Variants in PLBD1 observed in about 807,000 individuals in gnomAD.
The protein encoded by PLBD1 is lysosomal leucine aminopeptidase.
A neutral mutation model predicts 63.0 loss-of-function variants in PLBD1; 60 were observed. The ratio of observed to expected loss-of-function variants is 0.95; its 90% confidence interval spans 0.77 to 1.18. The LOEUF (loss-of-function observed/expected upper bound fraction) is 1.18, where lower values mean the gene tolerates loss of function less well. Ranked by LOEUF, PLBD1 falls within the 50% of genes most tolerant of loss-of-function variation. The pLI, the probability that PLBD1 is intolerant of heterozygous loss-of-function variation, is 0.00. For synonymous variants in PLBD1, 262 were observed against 248.0 expected, an observed-to-expected ratio of 1.06 and a Z score of -0.53; for missense variants, 598 against 677.9, an observed-to-expected ratio of 0.88 and a Z score of 1.31.
chr12:14,559,862 A>AT (rs567443998), intron 1 of PLBD1, among the ~76,000 whole-genome samples: 1,608 of 145,060 alleles, frequency 0.011, 11 homozygotes, highest in Middle Eastern at 0.015. Flanking sequence ...TATTTATTTA[A>AT]TTTTTTTTTT....
intron 3 of PLBD1, among the ~76,000 whole-genome samples, chr12:14,541,300 CG>C (rs1945569384): frequency 6.6e-6 from 1 of 152,060 alleles, no homozygotes; most frequent in South Asian, 2.1e-4. Context: ...AGTTAAACAA[CG>C]GGACAAAAAT....
In PLBD1 at chr12:14,558,126, G is replaced by A. The variant is rs146942548; in HGVS notation, c.116-4714C>T. Among the ~76,000 whole-genome samples the A allele has an allele frequency of 2.2e-3, 339 of 151,118 alleles. 3 individuals are homozygous for A. Among genetic ancestry groups the A allele is most frequent in the African/African-American group, 7.8e-3 (321 of 41,116 alleles). On this transcript the variant is annotated intron_variant, in intron 1 of 10. Coordinates refer to ENST00000240617, the MANE Select transcript of PLBD1 (RefSeq NM_024829.6). Reference sequence around the variant, plus strand: ...CTTAATACTAGAGCATCATGGCACCGTGCTCCCGGGGCTCGGTGATAGGCT... The same window carrying A: ...CTTAATACTAGAGCATCATGGCACCATGCTCCCGGGGCTCGGTGATAGGCT...
intron 1 of PLBD1, among the ~76,000 whole-genome samples, chr12:14,565,122 G>T (rs1945770505): frequency 6.6e-6 from 1 of 152,130 alleles, no homozygotes; most frequent in Admixed American, 6.6e-5. Context: ...TCAACTTCTG[G>T]AATAATAAAA....
intron 2 of PLBD1, among the ~76,000 whole-genome samples, chr12:14,551,489 A>G (rs1459774163): frequency 6.6e-6 from 1 of 152,226 alleles, no homozygotes; most frequent in Non-Finnish European, 1.5e-5. Flanking sequence ...TGCTTTATCT[A>G]AAAAATGAAG....
chr12:14,537,168 T>C (rs1945526153), intron 4 of PLBD1, among the ~76,000 whole-genome samples: 1 of 152,176 alleles, frequency 6.6e-6, no homozygotes, highest in Non-Finnish European at 1.5e-5. Flanking sequence ...TATTGTAGCT[T>C]ATAAAATAAT....
chr12:14,515,137 C>T lies in PLBD1; in HGVS notation c.845-3426G>A, dbSNP rs555259262. 8.6e-4 allele frequency among the ~76,000 whole-genome samples: 131 copies of T among 152,282 alleles called. 2 individuals are homozygous for T. The South Asian group carries it at 9.5e-3, about 11-fold the overall frequency. ...GCAAATGGCAACAACAGTTACTCAACACACACCATGGAACAAACACATTAG... is the reference window on the plus strand; with the variant it reads ...GCAAATGGCAACAACAGTTACTCAATACACACCATGGAACAAACACATTAG... On this transcript the variant is annotated intron_variant, in intron 6 of 10. Coordinates refer to ENST00000240617, the MANE Select transcript of PLBD1 (RefSeq NM_024829.6).
intron 1 of PLBD1, among the ~76,000 whole-genome samples, chr12:14,561,640 C>T (rs1945742797): frequency 1.3e-5 from 2 of 152,276 alleles, no homozygotes; most frequent in East Asian, 1.9e-4. Flanking sequence ...CCGCAACCTC[C>T]GCATCCCGGG....
chr12:14,536,833 A>G (rs1475434254), intron 4 of PLBD1, 123 bp from the exon 5 acceptor site: 41 of 1,323,966 alleles, frequency 3.1e-5, no homozygotes, highest in Non-Finnish European at 4.1e-5. Context: ...TCACGCCTGT[A>G]ATCCCAGCAC....
At chr12:14,565,440 G>A (rs1431814784) in intron 1 of PLBD1, among the ~76,000 whole-genome samples, 3 of 151,444 alleles carry the variant, frequency 2.0e-5, no homozygotes, top group African/African-American at 7.3e-5. Flanking sequence ...TACCCAGCCT[G>A]GGGGGAAAAT....
Position 14,507,047 on chromosome 12 carries a change from GAACT to G in PLBD1, c.1254_1257del (p.Leu418PhefsTer12). 1 of 1,613,886 alleles carries G rather than the reference GAACT, an allele frequency of 6.2e-7. No individual in the cohort carries two copies. The highest frequency in any genetic ancestry group is 8.5e-7 in the Non-Finnish European group (1 of 1,179,816). On this transcript the variant is annotated frameshift_variant, in exon 9 of 11. Transcript: ENST00000240617. LOFTEE classifies it high-confidence loss of function. ...TAAGAGTAGTCCAAGCCCAGCTTCT[GAACT>G]AACAGTGGATAGCCACTCCAGTTGT...
chr12:14,540,971 A>G lies in PLBD1; in HGVS notation c.420-69T>C, dbSNP rs1363609631. 7.0e-6 allele frequency: 10 copies of G among 1,430,114 alleles called. No individual in the cohort carries two copies. The African/African-American group carries it at 1.3e-4, about 18-fold the overall frequency. 88.6% of individuals were successfully genotyped at this position (1,430,114 alleles called of 1,614,324 possible). On this transcript the variant is annotated intron_variant, in intron 3 of 10. Transcript: ENST00000240617. The stretch of plus-strand genomic sequence containing the variant: ...CATTCAAAGCTAAATCAAAGCAGGC[A>G]TTGAGAGATTATATACTCAGACACT...
At chr12:14,512,358 A>C (rs1473969691) in intron 6 of PLBD1, among the ~76,000 whole-genome samples, 3 of 152,080 alleles carry the variant, frequency 2.0e-5, no homozygotes, top group Non-Finnish European at 4.4e-5. Flanking sequence ...CGTGTTGGCC[A>C]GGCTGGTCTC....
chr12:14,542,241 G>A lies in PLBD1; in HGVS notation c.386C>T (p.Pro129Leu), dbSNP rs749007284. Residue 129 changes from proline (P) to leucine (L), a missense_variant, in exon 3 of 11, where the codon CCT (proline) becomes CTT (leucine). Pro to Leu is a moderately conservative substitution (Grantham distance 98). Coordinates refer to ENST00000240617, the MANE Select transcript of PLBD1 (RefSeq NM_024829.6). ...ATCCTGCACTTTATCCATGATGGAA[G>A]GTTTCGTGATCAGCTGTGGGTAGAG... is the stretch of plus-strand genomic sequence containing the variant. ...TNLYPQLITK[P>L]SIMDKVQDFM... 6.2e-6 allele frequency: 10 copies of A among 1,610,808 alleles called. No individual in the cohort carries two copies. Among genetic ancestry groups the A allele is most frequent in the South Asian group, 1.1e-5 (1 of 91,014 alleles).
chr12:14,565,190 G>C (rs1185223484), intron 1 of PLBD1, among the ~76,000 whole-genome samples: 1 of 152,164 alleles, frequency 6.6e-6, no homozygotes, highest in Admixed American at 6.5e-5. Flanking sequence ...AAGTGTCCGG[G>C]CATGGTAGCT....
chr12:14,535,398 T>C (rs1312596030), intron 6 of PLBD1, among the ~76,000 whole-genome samples: 1 of 152,214 alleles, frequency 6.6e-6, no homozygotes, highest in Non-Finnish European at 1.5e-5. Flanking sequence ...AGTTGGCATT[T>C]GTTGAAATAA....
intron 8 of PLBD1, among the ~76,000 whole-genome samples, chr12:14,509,884 A>G (rs1382629799): frequency 6.6e-6 from 1 of 152,102 alleles, no homozygotes; most frequent in African/African-American, 2.4e-5. Context: ...AAATCTATCT[A>G]TTTATCTTAA....
chr12:14,552,617 A>G (rs988748578), intron 2 of PLBD1, among the ~76,000 whole-genome samples: 1 of 152,188 alleles, frequency 6.6e-6, no homozygotes, highest in Non-Finnish European at 1.5e-5. Flanking sequence ...AAATCATTTC[A>G]TGGCTGGGTA....
At chr12:14,565,043 T>C (rs1328731033) in intron 1 of PLBD1, among the ~76,000 whole-genome samples, 1 of 152,202 alleles carries the variant, frequency 6.6e-6, no homozygotes, top group Non-Finnish European at 1.5e-5. Context: ...TCTGGAAAGA[T>C]AAACGCAACA....
chr12:14,523,399 T>C (rs1243358079), intron 6 of PLBD1, among the ~76,000 whole-genome samples: 2 of 152,148 alleles, frequency 1.3e-5, no homozygotes, highest in South Asian at 2.1e-4. Context: ...AAAATGTCCA[T>C]ACTAATCAAA....
Sources: gnomAD v4.1 joint callset for allele counts (sites outside exome capture counted in the v4.1 genomes callset) on GRCh38, gnomAD v4.1.1 for gene constraint, MANE v1.5 for transcripts, NCBI Gene and HGNC (gene_info 2026-07-23, HGNC 2026-07-21) for gene names.